Variants in TAFA5 observed in about 807,000 individuals in gnomAD.
TAFA5 encodes the protein chemokine-like protein TAFA-5.
TAFA5 carries 6 observed loss-of-function variants against 15.3 expected under a neutral mutation model. The ratio of observed to expected loss-of-function variants is 0.39; its 90% CI spans 0.21 to 0.77. The LOEUF (loss-of-function observed/expected upper bound fraction) is 0.77. Ranked by LOEUF, TAFA5 falls within the 30% of genes least tolerant of loss-of-function variation. TAFA5 has a pLI of 0.41. For missense variants in TAFA5, 161 were observed against 193.1 expected, an observed-to-expected ratio of 0.83 and a Z score of 0.98; for synonymous variants, 103 against 80.7, an observed-to-expected ratio of 1.28 and a Z score of -1.48.
chr22:48,518,617 G>A (rs1037692374), intron 1 of TAFA5, among the ~76,000 whole-genome samples: 4 of 152,180 alleles, frequency 2.6e-5, no homozygotes, highest in African/African-American at 9.7e-5. Context: ...CTCCAGCCTG[G>A]GAGGCGGACT....
In TAFA5 at chr22:48,566,862, C is replaced by T. The variant is rs560147344; in HGVS notation, c.112+77158C>T. 3.3e-5 allele frequency among the ~76,000 whole-genome samples: 5 copies of T among 152,300 alleles called. No individual in the cohort carries two copies. The highest frequency in any genetic ancestry group is 3.9e-4 in the East Asian group (2 of 5,170). ...CCTTGTGGTTCTGCAGCTTTTTTGC[C>T]GTAGTTTGCTCACCACTGTGGTTTC... On this transcript the variant is annotated intron_variant, in intron 1 of 3. Transcript: ENST00000402357. This position sits in a 1 kb window ranked among gnomAD's most constrained non-coding sequence, Gnocchi z 4.5.
At chr22:48,700,963 T>C (rs1486352616) in intron 2 of TAFA5, among the ~76,000 whole-genome samples, 1 of 152,212 alleles carries the variant, frequency 6.6e-6, no homozygotes, top group African/African-American at 2.4e-5. Flanking sequence ...CCCACTCAGC[T>C]GTCTGCTTCT....
chr22:48,699,261 C>A (rs1928827727), intron 2 of TAFA5, among the ~76,000 whole-genome samples: 1 of 152,114 alleles, frequency 6.6e-6, no homozygotes, highest in East Asian at 1.9e-4. Flanking sequence ...AAAGACCCAC[C>A]CTACTGTTGA....
chr22:48,569,893 G>A lies in TAFA5; in HGVS notation c.113-76704G>A, dbSNP rs1923526403. Among the ~76,000 whole-genome samples, 3 of 152,338 alleles carry A rather than the reference G, an allele frequency of 2.0e-5. No homozygotes were observed. The South Asian group carries it at 6.2e-4, about 32-fold the overall frequency. ...TGGCCTGTCATGCTCTAGTCCTTCTGGGGACTTCTTTGGGCCCTCATGGGC... is the reference window on the plus strand; with the variant it reads ...TGGCCTGTCATGCTCTAGTCCTTCTAGGGACTTCTTTGGGCCCTCATGGGC... On this transcript the variant is annotated intron_variant, in intron 1 of 3. Coordinates refer to ENST00000402357, the MANE Select transcript of TAFA5 (RefSeq NM_001082967.3).
intron 1 of TAFA5, among the ~76,000 whole-genome samples, chr22:48,580,859 C>T (rs1924011578): frequency 6.6e-6 from 1 of 152,176 alleles, no homozygotes; most frequent in South Asian, 2.1e-4. Context: ...GCCCCAGGGG[C>T]TTCCCTAGCC....
At chr22:48,501,147 C>T (rs531754794) in intron 1 of TAFA5, among the ~76,000 whole-genome samples, 60 of 152,344 alleles carry the variant, frequency 3.9e-4, no homozygotes, top group Non-Finnish European at 6.8e-4. Context: ...TTGCCTCCAC[C>T]GTGGTGAGCC....
intron 1 of TAFA5, among the ~76,000 whole-genome samples, chr22:48,589,460 A>G (rs1185058586): frequency 6.6e-6 from 1 of 151,600 alleles, no homozygotes; most frequent in Non-Finnish European, 1.5e-5. Context: ...GGAGGTCCCC[A>G]AAGAGCCACC....
chr22:48,511,504 G>A (rs988073016), intron 1 of TAFA5, among the ~76,000 whole-genome samples: 13 of 152,314 alleles, frequency 8.5e-5, no homozygotes, highest in African/African-American at 1.2e-4. Flanking sequence ...TTCAGTCAGC[G>A]CCACACTGCA....
chr22:48,691,072 C>T (rs1601675338), intron 2 of TAFA5, among the ~76,000 whole-genome samples: 2 of 152,198 alleles, frequency 1.3e-5, no homozygotes, highest in African/African-American at 2.4e-5. Context: ...GCAGGAAGCA[C>T]GAAGCCAGTC....
chr22:48,677,409 C>T (rs372944497), intron 2 of TAFA5, among the ~76,000 whole-genome samples: 16 of 152,316 alleles, frequency 1.1e-4, no homozygotes, highest in South Asian at 6.2e-4. Flanking sequence ...GGCCGGGCCA[C>T]GCGATTGCAG....
At chr22:48,718,377 G>C (rs1929468562) in intron 3 of TAFA5, among the ~76,000 whole-genome samples, 1 of 152,186 alleles carries the variant, frequency 6.6e-6, no homozygotes, top group Non-Finnish European at 1.5e-5. Context: ...CAAGCAGGAA[G>C]GTGGTGGCTG....
At chr22:48,511,076 A>G (rs1445440345) in intron 1 of TAFA5, among the ~76,000 whole-genome samples, 1 of 152,262 alleles carries the variant, frequency 6.6e-6, no homozygotes, top group Non-Finnish European at 1.5e-5. Flanking sequence ...AGGGTCAACC[A>G]GGACATTGCA....
intron 3 of TAFA5, among the ~76,000 whole-genome samples, chr22:48,744,942 G>C (rs1930284532): frequency 6.6e-6 from 1 of 152,142 alleles, no homozygotes; most frequent in Admixed American, 6.5e-5. Context: ...TTTTAGTAGA[G>C]ACGGGGTTTC....
rs1311087173 is a variant in TAFA5, at chr22:48,598,750, C to A, written c.113-47847C>A. Among the ~76,000 whole-genome samples the A allele has an allele frequency of 6.6e-6, 1 of 152,090 alleles. No homozygotes were observed. The highest frequency in any genetic ancestry group is 1.5e-5 in the Non-Finnish European group (1 of 68,022). On this transcript the variant is annotated intron_variant, in intron 1 of 3. Coordinates refer to ENST00000402357, the MANE Select transcript of TAFA5 (RefSeq NM_001082967.3). This position sits in a 1 kb window ranked among gnomAD's most constrained non-coding sequence, Gnocchi z 4.0. The stretch of plus-strand genomic sequence containing the variant: ...ACTACTCCCCAGAGTTAGCTGAGAC[C>A]CCACCGAGGAAGGGCTCGGTCCCAC...
chr22:48,615,155 G>A (rs577389528), intron 1 of TAFA5, among the ~76,000 whole-genome samples: 34 of 152,220 alleles, frequency 2.2e-4, no homozygotes, highest in Non-Finnish European at 4.9e-4. Context: ...GCTGCCTGGA[G>A]GAGGGTGGAC....
chr22:48,734,551 G>A (rs1205708394), intron 3 of TAFA5, among the ~76,000 whole-genome samples: 2 of 152,276 alleles, frequency 1.3e-5, no homozygotes, highest in African/African-American at 4.8e-5. Flanking sequence ...TGTGTGAGCG[G>A]CTCTGGGCTT....
intron 1 of TAFA5, among the ~76,000 whole-genome samples, chr22:48,576,891 C>T (rs550687207): frequency 5.8e-4 from 88 of 152,056 alleles, no homozygotes; most frequent in African/African-American, 2.0e-3. Flanking sequence ...CCCCACTGGG[C>T]TCGGTGGCAG....
intron 3 of TAFA5, among the ~76,000 whole-genome samples, chr22:48,709,888 G>A (rs1000065167): frequency 6.6e-6 from 1 of 152,258 alleles, no homozygotes; most frequent in Non-Finnish European, 1.5e-5. Context: ...TGCTTGTCAG[G>A]AACAGGATTG....
At chr22:48,535,173 G>A (rs1922112000) in intron 1 of TAFA5, among the ~76,000 whole-genome samples, 1 of 152,204 alleles carries the variant, frequency 6.6e-6, no homozygotes, top group East Asian at 1.9e-4. Context: ...TCCAGGGGAG[G>A]TGGAACCTTT....
Sources: gnomAD v4.1 joint callset for allele counts (sites outside exome capture counted in the v4.1 genomes callset) on GRCh38, gnomAD v4.1.1 for gene constraint, Gnocchi (gnomAD v3.1) non-coding constraint, MANE v1.5 for transcripts, NCBI Gene and HGNC (gene_info 2026-07-23, HGNC 2026-07-21) for gene names.